NLRP11: variants seen among roughly 807,000 people sequenced by gnomAD.
NLRP11 encodes the protein NACHT, LRR and PYD domains-containing protein 11.
NLRP11 carries 53 observed loss-of-function variants against 79.3 expected under a neutral mutation model. The observed-to-expected ratio is 0.67, with a 90% CI of 0.54 to 0.84. The LOEUF (loss-of-function observed/expected upper bound fraction) is 0.84, where lower values mean the gene tolerates loss of function less well. Among genes scored for constraint, NLRP11 ranks in the 40% least tolerant of loss-of-function variants. The pLI is 0.00. For synonymous variants in NLRP11, 518 were observed against 462.6 expected (o/e 1.12, Z -1.54); for missense variants, 1,264 against 1,255.0 (o/e 1.01, Z -0.11).
At chr19:55,785,545 T>G in exon 10 of NLRP11, 1 of 1,171,724 alleles carries the variant, frequency 8.5e-7, no homozygotes, top group Non-Finnish European at 1.2e-6. Context: ...ACACATCAAA[T>G]AGGAAAATTA....
chr19:55,833,624 C>T (rs1007505559), upstream of NLRP11, among the ~76,000 whole-genome samples: 4 of 151,518 alleles, frequency 2.6e-5, no homozygotes, highest in Non-Finnish European at 4.4e-5. Context: ...AAAATTTAGC[C>T]AGGTGTGGTG....
At chr19:55,829,436 G>GGGCAGATCACGAGGTC (rs1165399446) in intron 1 of NLRP11, among the ~76,000 whole-genome samples, 2 of 152,028 alleles carry the variant, frequency 1.3e-5, no homozygotes, top group East Asian at 3.9e-4. Flanking sequence ...AGGCCGAGGA[G>GGGCAGATCACGAGGTC]GGCAGATCAC....
chr19:55,785,670 A>G (rs1243627785), exon 10 of NLRP11: 1 of 1,614,094 alleles, frequency 6.2e-7, no homozygotes, highest in Admixed American at 1.7e-5. Context: ...TCATGGCTGC[A>G]GACATTCTGG....
At chr19:55,789,106 A>G in intron 8 of NLRP11, 123 bp downstream of exon 8, 3 of 1,374,276 alleles carry the variant, frequency 2.2e-6, no homozygotes, top group East Asian at 2.3e-5. Flanking sequence ...GTGCAATAAG[A>G]GTCCCATTTC....
chr19:55,835,894 C>T (rs898372116), upstream of NLRP11, among the ~76,000 whole-genome samples: 12 of 152,232 alleles, frequency 7.9e-5, no homozygotes, highest in Admixed American at 5.2e-4. Context: ...GAGGCCGAGG[C>T]GGGCAGATCA....
At chr19:55,815,609 A>T (rs1033514870) in intron 2 of NLRP11, among the ~76,000 whole-genome samples, 1 of 152,270 alleles carries the variant, frequency 6.6e-6, no homozygotes, top group East Asian at 1.9e-4. Context: ...CTCCAAACAT[A>T]TTCAGTGCCA....
chr19:55,828,839 T>C (rs967437583), intron 1 of NLRP11, among the ~76,000 whole-genome samples: 1 of 152,198 alleles, frequency 6.6e-6, no homozygotes, highest in Admixed American at 6.5e-5. Context: ...GTGTCGTGAC[T>C]CTGGGGCTTA....
At chr19:55,822,283 T>C (rs976319381) in intron 1 of NLRP11, among the ~76,000 whole-genome samples, 4 of 146,408 alleles carry the variant, frequency 2.7e-5, no homozygotes, top group African/African-American at 7.8e-5. Flanking sequence ...TAAAAAAAGA[T>C]TGCCTTAGTC....
At chr19:55,785,638 C>T (rs1989828128) in exon 10 of NLRP11, 3 of 1,613,268 alleles carry the variant, frequency 1.9e-6, no homozygotes, top group Non-Finnish European at 2.5e-6. Flanking sequence ...AAGGGGTTGC[C>T]TAGATGCTGT....
intron 4 of NLRP11, among the ~76,000 whole-genome samples, chr19:55,807,377 C>A (rs1466217683): frequency 6.6e-6 from 1 of 152,112 alleles, no homozygotes; most frequent in Non-Finnish European, 1.5e-5. Flanking sequence ...AGGAAAGAAA[C>A]TGTTAGACTC....
At chr19:55,805,603 A>G (rs950697179) in intron 4 of NLRP11, among the ~76,000 whole-genome samples, 7 of 151,920 alleles carry the variant, frequency 4.6e-5, no homozygotes, top group South Asian at 2.1e-4. Flanking sequence ...GCAGTGCCAC[A>G]ATCTCAGCTC....
chr19:55,812,381 G>C (rs1366222812), intron 2 of NLRP11, among the ~76,000 whole-genome samples: 1 of 152,114 alleles, frequency 6.6e-6, no homozygotes, highest in Non-Finnish European at 1.5e-5. Context: ...GGCCTAACAA[G>C]CACAGAGGAA....
At chr19:55,787,186 GTAGA>G (rs1989930990) in intron 9 of NLRP11, among the ~76,000 whole-genome samples, 1 of 152,154 alleles carries the variant, frequency 6.6e-6, no homozygotes, top group Admixed American at 6.5e-5. Context: ...AATAAGGCAG[GTAGA>G]AACAGAATGC....
In NLRP11 at chr19:55,810,067, C is replaced by G. The variant is rs373915016; in HGVS notation, c.543G>C (p.Ser181=). Residue 181 remains serine, a synonymous_variant, in exon 3 of 10, where the codon TCG becomes TCC. Transcript: ENST00000589093. ...CGTGAGCAGTGAGGTGAACGACGTA[C>G]GAGATCATGTTCTGCCACATCTCAC... The G allele has an allele frequency of 1.2e-5, 19 of 1,614,112 alleles. No individual in the cohort carries two copies. The African/African-American group carries it at 2.1e-4, about 18-fold the overall frequency.
At chr19:55,793,256 A>G (rs1339315600) in intron 6 of NLRP11, among the ~76,000 whole-genome samples, 1 of 152,022 alleles carries the variant, frequency 6.6e-6, no homozygotes, top group Admixed American at 6.6e-5. Flanking sequence ...CTTTTTTCCT[A>G]AACAGGGAAG....
At chr19:55,814,220 T>C (rs1163617046) in intron 2 of NLRP11, among the ~76,000 whole-genome samples, 1 of 152,190 alleles carries the variant, frequency 6.6e-6, no homozygotes, top group African/African-American at 2.4e-5. Context: ...GAGAATCTAA[T>C]GCCTGATGAT....
intron 1 of NLRP11, among the ~76,000 whole-genome samples, chr19:55,819,099 C>T (rs914259381): frequency 1.3e-5 from 2 of 150,152 alleles, no homozygotes; most frequent in Non-Finnish European, 3.0e-5. Context: ...GGAGATCTTC[C>T]TCCCCACTGT....
At chr19:55,791,627 C>T (rs1280199027) in intron 7 of NLRP11, among the ~76,000 whole-genome samples, 1 of 152,088 alleles carries the variant, frequency 6.6e-6, no homozygotes, top group Non-Finnish European at 1.5e-5. Context: ...AGAACATTTT[C>T]AAGAGAGTTC....
chr19:55,809,641 G>T lies in NLRP11; in HGVS notation c.969C>A (p.Leu323=), dbSNP rs1328833674. Residue 323 remains leucine, a synonymous_variant, in exon 3 of 10, where the codon CTC becomes CTA. Transcript: ENST00000589093. The surrounding 1 kb of genome is among the most constrained non-coding windows in gnomAD (Gnocchi z 4.5). ...GTATTTCATCCTCATGTACAAGCTG[G>T]AGGGCTGCCGACGCCCTCTGGCGGT... is the stretch of plus-strand genomic sequence containing the variant. 6.2e-7 allele frequency: 1 copy of T among 1,614,202 alleles called. No homozygotes were observed. Among genetic ancestry groups the T allele is most frequent in the Non-Finnish European group, 8.5e-7 (1 of 1,180,034 alleles).
Sources: allele counts gnomAD v4.1 joint callset (sites outside exome capture counted in the v4.1 genomes callset), GRCh38; gene constraint gnomAD v4.1.1; non-coding constraint Gnocchi (gnomAD v3.1); transcripts MANE v1.5; gene names NCBI Gene and HGNC (gene_info 2026-07-23, HGNC 2026-07-21).